The following PDZD2 variants were observed in gnomAD, a reference collection of about 807,000 sequenced individuals.
PDZD2 encodes the protein PDZ domain-containing protein 2.
A neutral mutation model predicts 220.7 loss-of-function variants in PDZD2; 90 were observed. The observed-to-expected ratio is 0.41, with a 90% CI of 0.34 to 0.49. The LOEUF (loss-of-function observed/expected upper bound fraction) is 0.49. Among genes scored for constraint, PDZD2 ranks in the 20% least tolerant of loss-of-function variants. The pLI, the probability that PDZD2 is intolerant of heterozygous loss-of-function variation, is 0.28. For missense variants in PDZD2, 3,174 were observed against 3,608.5 expected (o/e 0.88, Z 3.08); for synonymous variants, 1,375 against 1,450.5 (o/e 0.95, Z 1.18).
Position 32,058,073 on chromosome 5 carries a change from A to G in PDZD2, c.2170A>G (p.Arg724Gly). The G allele has an allele frequency of 6.2e-7, 1 of 1,602,246 alleles. No homozygotes were observed. The highest frequency in any genetic ancestry group is 8.6e-7 in the Non-Finnish European group (1 of 1,169,164). ...LGRKTPGPKDRIVMEVTLNKE... is the reference protein window; with the variant it reads ...LGRKTPGPKDGIVMEVTLNKE... ...TCGGAAGACCCCTGGGCCCAAGGAC[A>G]GGATCGTCATGGAAGTAACACTCAA... The change falls in exon 12 of 25, where the codon AGG becomes GGG. Residue 724 changes from arginine to glycine, a missense_variant. Arg to Gly is a moderately radical substitution (Grantham distance 125). Transcript: ENST00000438447.
rs1243098543 is a variant in PDZD2, at chr5:32,087,826, C to A, written c.4378C>A (p.Pro1460Thr). ...GSQEGSAQGH[P>T]PAGAGGGSSC... ...TCAGGAGGGCAGTGCTCAGGGCCAC[C>A]CACCAGCCGGGGCTGGAGGTGGGAG... is the stretch of plus-strand genomic sequence containing the variant. The change falls in exon 20 of 25, where the codon CCA (proline) becomes ACA (threonine). Residue 1460 changes from proline to threonine, a missense_variant. Pro to Thr is a conservative substitution (Grantham distance 38). Transcript: ENST00000438447. This position sits in a 1 kb window ranked among gnomAD's most constrained non-coding sequence, Gnocchi z 4.0. 2 of 1,612,300 alleles carry A rather than the reference C, an allele frequency of 1.2e-6. No homozygotes were observed. Among genetic ancestry groups the A allele is most frequent in the Non-Finnish European group, 1.7e-6 (2 of 1,179,446 alleles).
At chr5:31,972,729 T>C (rs917522428) in intron 2 of PDZD2, among the ~76,000 whole-genome samples, 10 of 152,204 alleles carry the variant, frequency 6.6e-5, no homozygotes, top group African/African-American at 2.4e-4. Context: ...GTTCTGATGT[T>C]CCTCAGTTCC....
intron 5 of PDZD2, among the ~76,000 whole-genome samples, chr5:32,006,567 ATC>A (rs1752822815): frequency 6.6e-6 from 1 of 150,958 alleles, no homozygotes; most frequent in Non-Finnish European, 1.5e-5. Flanking sequence ...TGTAGAGGCA[ATC>A]TCTCTCTGTG....
At chr5:31,765,642 G>A (rs2150191910) in intron 1 of PDZD2, among the ~76,000 whole-genome samples, 1 of 152,260 alleles carries the variant, frequency 6.6e-6, no homozygotes, top group East Asian at 1.9e-4. Flanking sequence ...CTCCAAACTA[G>A]CAGAGGCGCA....
rs548127394 is a variant in PDZD2 at position 32,029,930 on chromosome 5, T to C, written c.1408-7301T>C. 2.6e-5 allele frequency among the ~76,000 whole-genome samples: 4 copies of C among 152,338 alleles called. No homozygotes were observed. The South Asian group carries it at 6.2e-4, about 24-fold the overall frequency. On this transcript the variant is annotated intron_variant, in intron 6 of 24. Transcript: ENST00000438447. The stretch of plus-strand genomic sequence containing the variant: ...TTAAAGATGCCAGTCAGTCTGACAG[T>C]TGTCTGGAGTTCACGACCATGAACT...
intron 1 of PDZD2, among the ~76,000 whole-genome samples, chr5:31,713,614 T>C (rs574676391): frequency 6.6e-6 from 1 of 152,338 alleles, no homozygotes; most frequent in Admixed American, 6.5e-5. Context: ...GAGTTCTTCC[T>C]CTATTAGTTC....
intron 2 of PDZD2, among the ~76,000 whole-genome samples, chr5:31,845,146 A>G (rs1044506945): frequency 6.6e-6 from 1 of 152,176 alleles, no homozygotes; most frequent in Non-Finnish European, 1.5e-5. Flanking sequence ...GACATTGCCA[A>G]ATGTCCCTGC....
chr5:31,647,849 G>A (rs531163774), intron 1 of PDZD2, among the ~76,000 whole-genome samples: 5 of 152,120 alleles, frequency 3.3e-5, no homozygotes, highest in South Asian at 4.1e-4. Flanking sequence ...ATACATTGTG[G>A]TTACGGAATT....
intron 2 of PDZD2, among the ~76,000 whole-genome samples, chr5:31,933,292 A>G (rs1745461738): frequency 6.6e-6 from 1 of 152,202 alleles, no homozygotes; most frequent in Non-Finnish European, 1.5e-5. Flanking sequence ...ATAGTATTCC[A>G]TTGTACATAT....
rs79104630 is a variant in PDZD2, at chr5:31,773,962, G to A, written c.-360-24927G>A. Among the ~76,000 whole-genome samples the A allele has an allele frequency of 9.8e-5, 15 of 152,298 alleles. No individual in the cohort carries two copies. The East Asian group carries it at 1.7e-3, about 18-fold the overall frequency. On this transcript the variant is annotated intron_variant, in intron 1 of 24. Coordinates refer to ENST00000438447, the MANE Select transcript of PDZD2 (RefSeq NM_178140.4). ...AGCTAGCATGCAGCTGGTGAAAACCGATGTCGACACCTAGAGGAATGGTGT... is the reference window on the plus strand; with the variant it reads ...AGCTAGCATGCAGCTGGTGAAAACCAATGTCGACACCTAGAGGAATGGTGT...
At position 31,968,025 on chromosome 5, in the gene PDZD2, G is replaced by A. The variant is rs537089289; in HGVS notation, c.477-15130G>A. Among the ~76,000 whole-genome samples the A allele has an allele frequency of 3.9e-5, 6 of 152,246 alleles. No individual in the cohort carries two copies. In the South Asian group the frequency reaches 6.2e-4, roughly 16 times the overall value. ...TATAGACTGAATGGTCTCTCCACCCGGAATCGACATATTGAAATCTAATCC... is the reference window on the plus strand; with the variant it reads ...TATAGACTGAATGGTCTCTCCACCCAGAATCGACATATTGAAATCTAATCC... On this transcript the variant is annotated intron_variant, in intron 2 of 24. Transcript: ENST00000438447.
At chr5:31,865,621 CTTTTTTTTTT>C (rs776271275) in intron 2 of PDZD2, among the ~76,000 whole-genome samples, 13 of 67,800 alleles carry the variant, frequency 1.9e-4, no homozygotes, top group African/African-American at 9.8e-4. Context: ...CTACTGGCAA[CTTTTTTTTTT>C]TTTTTTTTTT....
chr5:31,704,153 C>T (rs913858837), intron 1 of PDZD2, among the ~76,000 whole-genome samples: 11 of 152,082 alleles, frequency 7.2e-5, no homozygotes, highest in African/African-American at 2.7e-4. Flanking sequence ...GCTGAGACTA[C>T]AGGAATGCAC....
chr5:32,048,361 C>T (rs1738179772), intron 7 of PDZD2, among the ~76,000 whole-genome samples, 178 bp from the exon 8 acceptor site: 1 of 152,200 alleles, frequency 6.6e-6, no homozygotes, highest in African/African-American at 2.4e-5. Context: ...CAGCACGTAA[C>T]TAGCTTATGC....
chr5:31,986,419 T>C (rs1750727438), intron 3 of PDZD2, among the ~76,000 whole-genome samples: 1 of 152,168 alleles, frequency 6.6e-6, no homozygotes, highest in South Asian at 2.1e-4. Context: ...TTTTCAACCA[T>C]AAAATTATCT....
intron 1 of PDZD2, among the ~76,000 whole-genome samples, chr5:31,777,233 G>C (rs958096527): frequency 6.6e-6 from 1 of 152,192 alleles, no homozygotes; most frequent in Non-Finnish European, 1.5e-5. Context: ...GGCAGTGAGG[G>C]GCTTAGCACC....
In PDZD2 at chr5:31,995,717, AG is replaced by A; in HGVS notation, c.1121+1del. 1 of 1,613,270 alleles carries A rather than the reference AG, an allele frequency of 6.2e-7. No homozygotes were observed. Among genetic ancestry groups the A allele is most frequent in the Non-Finnish European group, 8.5e-7 (1 of 1,179,872 alleles). ...AGTGAAGGAAGGAGGTGCCGCTCAC[AG>A]GTGACTAGATAACTCTCCCCTCTCC... ...TQVKEGGAAH[R>X]DGRLSLGDEL... On this transcript the variant is annotated frameshift_variant and splice_region_variant, in exon 4 of 25. Transcript: ENST00000438447. LOFTEE classifies it high-confidence loss of function.
intron 2 of PDZD2, among the ~76,000 whole-genome samples, chr5:31,814,679 G>C (rs1419732792): frequency 6.6e-6 from 1 of 151,468 alleles, no homozygotes; most frequent in South Asian, 2.1e-4. Flanking sequence ...ACAGCCAAGC[G>C]AGGTGGTGGG....
rs1251840861 is a variant in PDZD2, at chr5:31,752,068, G to GTTTTTTTTTTTTTTTTTTTT, written c.-360-46821_-360-46820insTTTTTTTTTTTTTTTTTTTT. Among the ~76,000 whole-genome samples, 156 of 95,930 alleles carry GTTTTTTTTTTTTTTTTTTTT rather than the reference G, an allele frequency of 1.6e-3. 51 individuals are homozygous for GTTTTTTTTTTTTTTTTTTTT. Among genetic ancestry groups the GTTTTTTTTTTTTTTTTTTTT allele is most frequent in the African/African-American group, 2.7e-3 (59 of 22,064 alleles). The allele number at this position is 95,930 out of a possible 152,430, so 62.9% of individuals were successfully genotyped here. On this transcript the variant is annotated intron_variant, in intron 1 of 24. Coordinates refer to ENST00000438447, the MANE Select transcript of PDZD2 (RefSeq NM_178140.4). ...TTTGTTTGTTTGTTTTATTGTTTTG[G>GTTTTTTTTTTTTTTTTTTTT]GTTTGTTTTTTTTTTTTTTTTTCTG...
Sources: gnomAD v4.1 joint callset for allele counts (sites outside exome capture counted in the v4.1 genomes callset) on GRCh38, gnomAD v4.1.1 for gene constraint, Gnocchi (gnomAD v3.1) non-coding constraint, MANE v1.5 for transcripts, NCBI Gene and HGNC (gene_info 2026-07-23, HGNC 2026-07-21) for gene names.